RETREG1: variants seen among roughly 807,000 people sequenced by gnomAD.
The protein encoded by RETREG1 is reticulophagy regulator 1, also known as family with sequence similarity 134 member B.
In RETREG1, 44 loss-of-function variants were observed where a neutral mutation model predicts 54.8. That is an observed-to-expected ratio of 0.80 (90% CI 0.63 to 1.03). RETREG1 has a LOEUF of 1.03. Among genes scored for constraint, RETREG1 ranks in the 50% least tolerant of loss-of-function variants. RETREG1 has a pLI of 0.00. For missense variants in RETREG1, 554 were observed against 605.1 expected (o/e 0.92, Z 0.89); for synonymous variants, 217 against 238.5 (o/e 0.91, Z 0.83).
chr5:16,595,508 A>G (rs1742876354), intron 1 of RETREG1, among the ~76,000 whole-genome samples: 1 of 152,252 alleles, frequency 6.6e-6, no homozygotes, highest in Admixed American at 6.5e-5. Flanking sequence ...CTTGTTAGTT[A>G]CGAGCATACA....
chr5:16,597,188 G>A lies in RETREG1; in HGVS notation c.320+19464C>T, dbSNP rs1398260344. Among the ~76,000 whole-genome samples the A allele has an allele frequency of 6.6e-6, 1 of 152,194 alleles. No homozygotes were observed. Among genetic ancestry groups the A allele is most frequent in the African/African-American group, 2.4e-5 (1 of 41,438 alleles). ...AAACAGTTGCAACCACACAAGTGTG[G>A]CTGTGTGCCCCTGGCAAGTCACCTG... On this transcript the variant is annotated intron_variant, in intron 1 of 8. Coordinates refer to ENST00000306320, the MANE Select transcript of RETREG1 (RefSeq NM_001034850.3). The surrounding 1 kb of genome is among the most constrained non-coding windows in gnomAD (Gnocchi z 4.3).
At chr5:16,526,019 A>G (rs1456598565) in intron 3 of RETREG1, among the ~76,000 whole-genome samples, 1 of 152,222 alleles carries the variant, frequency 6.6e-6, no homozygotes, top group African/African-American at 2.4e-5. Flanking sequence ...CCCTACTCAA[A>G]GTGCTCTGAC....
At chr5:16,571,159 G>A (rs1485476209) in intron 2 of RETREG1, among the ~76,000 whole-genome samples, 1 of 152,208 alleles carries the variant, frequency 6.6e-6, no homozygotes, top group African/African-American at 2.4e-5. Flanking sequence ...CCATCAGGGA[G>A]GAGATGGGTG....
At chr5:16,530,759 G>T (rs1444484435) in intron 3 of RETREG1, among the ~76,000 whole-genome samples, 2 of 152,068 alleles carry the variant, frequency 1.3e-5, no homozygotes, top group African/African-American at 4.8e-5. Context: ...TGTAATCCCA[G>T]CTACTCGGGA....
At chr5:16,616,387 A>C (rs1042621880) in intron 1 of RETREG1, 31 of 508,142 alleles carry the variant, frequency 6.1e-5, no homozygotes, top group Non-Finnish European at 1.1e-4. Context: ...CTGTAGGTGC[A>C]GGTGCCTGAG....
At chr5:16,483,290 A>C (rs1472385137) in intron 4 of RETREG1, 56 bp downstream of exon 4, 18 of 1,597,280 alleles carry the variant, frequency 1.1e-5, no homozygotes, top group Admixed American at 6.7e-5. Flanking sequence ...AGGTTAGTTC[A>C]TTTGTTTCCA....
At chr5:16,539,628 C>A (rs1190713505) in intron 3 of RETREG1, among the ~76,000 whole-genome samples, 1 of 152,172 alleles carries the variant, frequency 6.6e-6, no homozygotes, top group East Asian at 1.9e-4. Flanking sequence ...CTGAGCCTCC[C>A]AGTCCTTTCC....
At chr5:16,512,938 C>T (rs866403001) in intron 3 of RETREG1, among the ~76,000 whole-genome samples, 2 of 152,074 alleles carry the variant, frequency 1.3e-5, no homozygotes, top group Non-Finnish European at 2.9e-5. Context: ...AGAGACCAAG[C>T]GAAGGTAACT....
chr5:16,476,638 A>G (rs1055046347), intron 8 of RETREG1, among the ~76,000 whole-genome samples: 1 of 152,146 alleles, frequency 6.6e-6, no homozygotes, highest in African/African-American at 2.4e-5. Flanking sequence ...TCCTCGGCAA[A>G]CTAACACAGG....
intron 1 of RETREG1, among the ~76,000 whole-genome samples, chr5:16,573,700 G>GT (rs11330773): frequency 1.7e-4 from 24 of 137,518 alleles, no homozygotes; most frequent in African/African-American, 2.6e-4. Context: ...GCAGGGAATG[G>GT]TTTTTTTTTT....
rs77918197 is a variant in RETREG1, at chr5:16,505,563, G to A, written c.459-22091C>T. Among the ~76,000 whole-genome samples, 1,507 of 152,220 alleles carry A rather than the reference G, an allele frequency of 9.9e-3. 27 individuals are homozygous for A. The highest frequency in any genetic ancestry group is 0.034 in the African/African-American group (1,427 of 41,510). On this transcript the variant is annotated intron_variant, in intron 3 of 8. Transcript: ENST00000306320. ...AATGAACATGTGAACACAATTATCC[G>A]GAAGTTATCTGGAAAGCGCTTCCAC... is the stretch of plus-strand genomic sequence containing the variant.
At chr5:16,604,136 ACT>A (rs1743122228) in intron 1 of RETREG1, among the ~76,000 whole-genome samples, 1 of 152,084 alleles carries the variant, frequency 6.6e-6, no homozygotes, top group Non-Finnish European at 1.5e-5. Flanking sequence ...AAAGAAATTA[ACT>A]CTGTCTTCTA....
intron 3 of RETREG1, among the ~76,000 whole-genome samples, chr5:16,523,834 G>A (rs1037167703): frequency 1.3e-5 from 2 of 152,132 alleles, no homozygotes; most frequent in Non-Finnish European, 2.9e-5. Context: ...GAAGACTCGT[G>A]TGTTTTCACA....
intron 3 of RETREG1, among the ~76,000 whole-genome samples, chr5:16,515,305 C>T (rs16868712): frequency 0.1 from 15,286 of 152,174 alleles, 869 homozygotes; most frequent in Non-Finnish European, 0.11. Flanking sequence ...CTTTCTGAAA[C>T]TTGCTCCTCC....
At chr5:16,588,155 T>C (rs185214640) in intron 1 of RETREG1, among the ~76,000 whole-genome samples, 2 of 152,324 alleles carry the variant, frequency 1.3e-5, no homozygotes, top group African/African-American at 2.4e-5. Context: ...CAGGGTGGCT[T>C]AAACTACAGA....
intron 3 of RETREG1, among the ~76,000 whole-genome samples, chr5:16,528,118 T>C (rs17540829): frequency 0.37 from 56,397 of 151,998 alleles, 11,972 homozygotes; most frequent in Admixed American, 0.49. Context: ...CAGGGACTCT[T>C]ATTTTTAAAC....
intron 3 of RETREG1, among the ~76,000 whole-genome samples, chr5:16,493,497 A>G (rs1470837676): frequency 1.3e-5 from 2 of 152,198 alleles, no homozygotes; most frequent in Non-Finnish European, 2.9e-5. Context: ...AAATATTTCT[A>G]CTTTATCCCT....
intron 3 of RETREG1, among the ~76,000 whole-genome samples, chr5:16,556,946 C>T (rs1301179326): frequency 6.6e-6 from 1 of 152,216 alleles, no homozygotes; most frequent in Non-Finnish European, 1.5e-5. Flanking sequence ...TCTCCTGCCT[C>T]AGCCTCCCAA....
rs941540487 is a variant in RETREG1, at chr5:16,473,283, C to G, written c.*1458G>C. ...TAAGCAATCACAAAAAGCAAGTGTT[C>G]AAAGTCTTCAGTAACTCTTCTCCCT... On this transcript the variant is annotated 3_prime_UTR_variant, in exon 9 of 9. Coordinates refer to ENST00000306320, the MANE Select transcript of RETREG1 (RefSeq NM_001034850.3). 2 of 152,504 alleles carry G rather than the reference C, an allele frequency of 1.3e-5. No individual in the cohort carries two copies. Among genetic ancestry groups the G allele is most frequent in the Non-Finnish European group, 2.9e-5 (2 of 67,990 alleles). The allele number at this position is 152,504 out of a possible 1,614,324, so 9.4% of individuals were successfully genotyped here.
Sources: allele counts gnomAD v4.1 joint callset (sites outside exome capture counted in the v4.1 genomes callset), GRCh38; gene constraint gnomAD v4.1.1; non-coding constraint Gnocchi (gnomAD v3.1); transcripts MANE v1.5; gene names NCBI Gene and HGNC (gene_info 2026-07-23, HGNC 2026-07-21).